The following RAMP1 variants were observed in gnomAD, a reference collection of about 807,000 sequenced individuals.
RAMP1 encodes the protein receptor activity modifying protein 1.
A neutral mutation model predicts 8.2 loss-of-function variants in RAMP1; 7 were observed. That is an observed-to-expected ratio of 0.85 (90% CI 0.49 to 1.60). The LOEUF (loss-of-function observed/expected upper bound fraction) is 1.60, where lower values mean the gene tolerates loss of function less well. RAMP1 is among the 40% of genes most tolerant of loss of function. The probability of loss-of-function intolerance (pLI) is 0.00; values close to 1 mark genes in which losing one functional copy is unlikely to be tolerated. For missense variants in RAMP1, 192 were observed against 202.4 expected (o/e 0.95, Z 0.31); for synonymous variants, 92 against 84.7 (o/e 1.09, Z -0.47).
intron 1 of RAMP1, among the ~76,000 whole-genome samples, chr2:237,866,443 T>G (rs532499622): frequency 2.2e-3 from 330 of 152,200 alleles, no homozygotes; most frequent in Non-Finnish European, 3.8e-3. Flanking sequence ...CTCTTAACAA[T>G]TTTCCCTGTT....
intron 2 of RAMP1, among the ~76,000 whole-genome samples, chr2:237,898,835 G>A (rs2062569986): frequency 6.6e-6 from 1 of 152,218 alleles, no homozygotes; most frequent in African/African-American, 2.4e-5. Flanking sequence ...CCAGGCCACA[G>A]CGTGGCTCTC....
intron 2 of RAMP1, among the ~76,000 whole-genome samples, chr2:237,905,111 G>A (rs2151022785): frequency 6.6e-6 from 1 of 152,302 alleles, no homozygotes; most frequent in East Asian, 1.9e-4. Context: ...TCGAGCCCCA[G>A]AATAGAAGGT....
intron 2 of RAMP1, among the ~76,000 whole-genome samples, chr2:237,909,201 G>A (rs899035249): frequency 6.6e-6 from 1 of 152,180 alleles, no homozygotes; most frequent in African/African-American, 2.4e-5. Context: ...GGCCACCGAG[G>A]GCGAGGGACA....
intron 2 of RAMP1, among the ~76,000 whole-genome samples, chr2:237,903,399 G>A (rs2062624989): frequency 6.6e-6 from 1 of 152,178 alleles, no homozygotes; most frequent in Non-Finnish European, 1.5e-5. Context: ...GCATCCGTGA[G>A]TTTGAGATTA....
chr2:237,880,068 C>T (rs966215154), intron 2 of RAMP1, among the ~76,000 whole-genome samples: 3 of 151,702 alleles, frequency 2.0e-5, no homozygotes, highest in Admixed American at 1.3e-4. Flanking sequence ...CATCTCAGCA[C>T]GTCAGCCCAG....
chr2:237,907,542 A>G (rs1030013977), intron 2 of RAMP1, among the ~76,000 whole-genome samples: 8 of 115,528 alleles, frequency 6.9e-5, no homozygotes, highest in Admixed American at 4.8e-4. Context: ...AGTTTGGTTA[A>G]TTTCTACTGA....
chr2:237,879,622 A>G (rs75711982), intron 2 of RAMP1, among the ~76,000 whole-genome samples: 21,133 of 123,018 alleles, frequency 0.17, 2,099 homozygotes, highest in Middle Eastern at 0.22. Flanking sequence ...CAGCACACCA[A>G]TATGGCACAT....
chr2:237,869,379 C>A (rs988016874), intron 1 of RAMP1, among the ~76,000 whole-genome samples: 2 of 152,198 alleles, frequency 1.3e-5, no homozygotes, highest in Non-Finnish European at 2.9e-5. Flanking sequence ...TCGCCACTAT[C>A]CATCCCTAGA....
chr2:237,891,442 G>A (rs555999791), intron 2 of RAMP1, among the ~76,000 whole-genome samples: 8 of 152,152 alleles, frequency 5.3e-5, no homozygotes, highest in Admixed American at 1.3e-4. Context: ...GAGCCACCGC[G>A]CCCAGCCCAT....
intron 2 of RAMP1, among the ~76,000 whole-genome samples, chr2:237,899,483 CG>C (rs1559951899): frequency 2.6e-5 from 4 of 152,166 alleles, no homozygotes; most frequent in African/African-American, 9.7e-5. Context: ...CTTCTCAATG[CG>C]TATTAAAATG....
At chr2:237,876,036 C>G (rs923456602) in intron 1 of RAMP1, among the ~76,000 whole-genome samples, 1 of 152,158 alleles carries the variant, frequency 6.6e-6, no homozygotes, top group Non-Finnish European at 1.5e-5. Context: ...TCAGTTCCCC[C>G]ATCCGTAAAT....
chr2:237,911,031 C>T (rs1460588313), intron 2 of RAMP1, among the ~76,000 whole-genome samples: 1 of 152,048 alleles, frequency 6.6e-6, no homozygotes, highest in East Asian at 1.9e-4. Context: ...CAGAGAATAA[C>T]ACTGTCACAC....
Position 237,890,099 on chromosome 2 carries a change from G to A in RAMP1, c.191+12737G>A, listed in dbSNP as rs185939847. 3.9e-3 allele frequency among the ~76,000 whole-genome samples: 599 copies of A among 152,296 alleles called. 5 individuals are homozygous for A. Among genetic ancestry groups the A allele is most frequent in the Non-Finnish European group, 4.7e-3 (319 of 68,018 alleles). ...AGAAAGTGATGAATAAGGAAGCTCC[G>A]GATTTTCCTCTTTGTGTTTCCTTAA... On this transcript the variant is annotated intron_variant, in intron 2 of 2. Coordinates refer to ENST00000254661, the MANE Select transcript of RAMP1 (RefSeq NM_005855.4).
At chr2:237,908,586 C>T (rs550894583) in intron 2 of RAMP1, among the ~76,000 whole-genome samples, 11 of 152,144 alleles carry the variant, frequency 7.2e-5, no homozygotes, top group South Asian at 2.1e-4. Context: ...TACAGGTGCC[C>T]GCCACTGTGC....
intron 2 of RAMP1, among the ~76,000 whole-genome samples, chr2:237,907,122 C>T (rs79903088): frequency 0.01 from 1,577 of 152,294 alleles, 32 homozygotes; most frequent in African/African-American, 0.036. Context: ...CAAGATGTTG[C>T]CCATTGTCTT....
intron 2 of RAMP1, among the ~76,000 whole-genome samples, chr2:237,884,510 G>A (rs1192233164): frequency 1.3e-5 from 2 of 152,226 alleles, no homozygotes; most frequent in Non-Finnish European, 1.5e-5. Context: ...AAAGCCTCAC[G>A]TCAGATTTCC....
In RAMP1 at chr2:237,911,756, G is replaced by C; in HGVS notation, c.420G>C (p.Gln140His). The C allele has an allele frequency of 6.2e-7, 1 of 1,611,530 alleles. No individual in the cohort carries two copies. The highest frequency in any genetic ancestry group is 8.5e-7 in the Non-Finnish European group (1 of 1,179,024). ...TGGTGACGGCACTGGTGGTCTGGCAGAGCAAGCGCACTGAGGGCATTGTGT... is the reference window on the plus strand; with the variant it reads ...TGGTGACGGCACTGGTGGTCTGGCACAGCAAGCGCACTGAGGGCATTGTGT... Reference protein sequence around the residue: ...TLLVTALVVWQSKRTEGIV With the variant: ...TLLVTALVVWHSKRTEGIV The change falls in exon 3 of 3, where the codon CAG (glutamine) becomes CAC (histidine). Residue 140 changes from glutamine (Q) to histidine (H), a missense_variant. Physicochemically the swap from Gln to His is conservative, Grantham distance 24. Coordinates refer to ENST00000254661, the MANE Select transcript of RAMP1 (RefSeq NM_005855.4).
Position 237,878,403 on chromosome 2 carries a change from C to T in RAMP1, c.191+1041C>T, listed in dbSNP as rs539032078. The stretch of plus-strand genomic sequence containing the variant: ...TGTCCCCTGAGGGTCCAGACACACC[C>T]GGGCACAATTCTGTGGGGTTGAAGA... On this transcript the variant is annotated intron_variant, in intron 2 of 2. Coordinates refer to ENST00000254661, the MANE Select transcript of RAMP1 (RefSeq NM_005855.4). This position sits in a 1 kb window ranked among gnomAD's most constrained non-coding sequence, Gnocchi z 5.7. Among the ~76,000 whole-genome samples the T allele has an allele frequency of 4.7e-3, 717 of 152,346 alleles. 2 individuals are homozygous for T. The highest frequency in any genetic ancestry group is 7.9e-3 in the Non-Finnish European group (538 of 68,034).
chr2:237,909,071 C>T (rs1488108338), intron 2 of RAMP1, among the ~76,000 whole-genome samples: 1 of 152,190 alleles, frequency 6.6e-6, no homozygotes, highest in Non-Finnish European at 1.5e-5. Context: ...ACTCAGGCTG[C>T]CCCCATGGGG....
Sources: allele counts gnomAD v4.1 joint callset (sites outside exome capture counted in the v4.1 genomes callset), GRCh38; gene constraint gnomAD v4.1.1; non-coding constraint Gnocchi (gnomAD v3.1); transcripts MANE v1.5; gene names NCBI Gene and HGNC (gene_info 2026-07-23, HGNC 2026-07-21).